Variants in IL16 observed in about 807,000 individuals in gnomAD.
The protein encoded by IL16 is interleukin 16.
Under a neutral mutation model 110.1 loss-of-function variants are expected in IL16, and 67 were observed. The ratio of observed to expected loss-of-function variants is 0.61; its 90% CI spans 0.50 to 0.75. The LOEUF is 0.75. IL16 is among the 30% of genes least tolerant of loss of function. The pLI is 0.00. For missense variants in IL16, 1,545 were observed against 1,655.0 expected (o/e 0.93, Z 1.15); for synonymous variants, 689 against 662.9 (o/e 1.04, Z -0.61).
chr15:81,247,879 G>A (rs947308313), intron 2 of IL16, among the ~76,000 whole-genome samples: 1 of 152,126 alleles, frequency 6.6e-6, no homozygotes, highest in Non-Finnish European at 1.5e-5. Flanking sequence ...CATGGAGTGG[G>A]TCATTCCAGT....
At chr15:81,306,967 G>A (rs1900600972) in intron 18 of IL16, 1 of 308,164 alleles carries the variant, frequency 3.2e-6, no homozygotes, top group South Asian at 2.8e-5. Context: ...TTTAAATCAA[G>A]ACAGAGTCTG....
intron 3 of IL16, among the ~76,000 whole-genome samples, chr15:81,263,346 A>ATTTTTTTTGTTTTTTT (rs1567024238): frequency 9.1e-6 from 1 of 109,792 alleles, no homozygotes. Flanking sequence ...TTCAAAAACT[A>ATTTTTTTTGTTTTTTT]TTTTTTTTTG....
intron 2 of IL16, among the ~76,000 whole-genome samples, chr15:81,232,077 T>TG (rs1897024901): frequency 7.4e-6 from 1 of 135,658 alleles, no homozygotes; most frequent in African/African-American, 2.9e-5. Flanking sequence ...CTTTTTTTTT[T>TG]CACATTTGTT....
At chr15:81,280,214 C>G (rs1899111235) in intron 8 of IL16, among the ~76,000 whole-genome samples, 1 of 152,190 alleles carries the variant, frequency 6.6e-6, no homozygotes, top group Non-Finnish European at 1.5e-5. Context: ...TTTGCCACCC[C>G]CCCAGGTGGG....
intron 2 of IL16, among the ~76,000 whole-genome samples, chr15:81,241,649 T>C (rs1429319596): frequency 6.6e-6 from 1 of 152,124 alleles, no homozygotes. Context: ...TATTTTGCAA[T>C]TATGGTAGAT....
chr15:81,224,200 AG>A (rs1896712307), intron 1 of IL16, among the ~76,000 whole-genome samples: 1 of 152,242 alleles, frequency 6.6e-6, no homozygotes. Context: ...GATATGTGAA[AG>A]GGTTTTGATG....
chr15:81,195,707 T>G (rs1895580059), upstream of IL16, among the ~76,000 whole-genome samples: 1 of 152,186 alleles, frequency 6.6e-6, no homozygotes, highest in Non-Finnish European at 1.5e-5. Flanking sequence ...AAACATTTGG[T>G]GCTGAGCGTT....
chr15:81,280,028 A>C (rs1025655756), intron 8 of IL16, among the ~76,000 whole-genome samples: 2 of 152,332 alleles, frequency 1.3e-5, no homozygotes, highest in African/African-American at 4.8e-5. Flanking sequence ...TCAAACACAA[A>C]AATACCCAGA....
intron 2 of IL16, among the ~76,000 whole-genome samples, chr15:81,258,641 A>G (rs1898032400): frequency 6.6e-6 from 1 of 151,876 alleles, no homozygotes; most frequent in Non-Finnish European, 1.5e-5. Context: ...TCAAGGCTGC[A>G]GTGAGCCGAG....
chr15:81,205,689 C>G (rs1325671124), intron 1 of IL16, among the ~76,000 whole-genome samples: 2 of 152,024 alleles, frequency 1.3e-5, no homozygotes, highest in African/African-American at 2.4e-5. Flanking sequence ...AAGAGACTCT[C>G]AGATTCAGTT....
intron 1 of IL16, among the ~76,000 whole-genome samples, chr15:81,191,067 C>G (rs1338291304): frequency 6.6e-6 from 1 of 152,208 alleles, no homozygotes; most frequent in African/African-American, 2.4e-5. Context: ...GTTGCCTCAG[C>G]CTCCACACTG....
intron 1 of IL16, among the ~76,000 whole-genome samples, chr15:81,198,791 G>A (rs1302755434): frequency 1.3e-5 from 2 of 151,378 alleles, no homozygotes; most frequent in Non-Finnish European, 2.9e-5. Flanking sequence ...AGGCCGAGGC[G>A]GGCGGATCAC....
chr15:81,232,238 TG>T (rs1897032502), intron 2 of IL16, among the ~76,000 whole-genome samples: 4 of 152,070 alleles, frequency 2.6e-5, no homozygotes, highest in Admixed American at 2.0e-4. Flanking sequence ...TGGAGATTTT[TG>T]TTGTTGTTGT....
chr15:81,288,142 G>A (rs867831860), intron 10 of IL16, among the ~76,000 whole-genome samples: 42 of 152,330 alleles, frequency 2.8e-4, no homozygotes, highest in African/African-American at 1.0e-3. Flanking sequence ...GACAGGTAAG[G>A]TTTAGAGCAG....
At position 81,203,871 on chromosome 15, in the gene IL16, G is replaced by A. The variant is rs34146925; in HGVS notation, c.-102+6719G>A. 3.4e-3 allele frequency among the ~76,000 whole-genome samples: 515 copies of A among 152,180 alleles called. 5 individuals are homozygous for A. The highest frequency in any genetic ancestry group is 0.012 in the African/African-American group (480 of 41,496). ...CAATTCTGTGAAGAAAGTCATTGGTGGCTTGATGGGGATGACATTGAATCT... is the reference window on the plus strand; with the variant it reads ...CAATTCTGTGAAGAAAGTCATTGGTAGCTTGATGGGGATGACATTGAATCT... On this transcript the variant is annotated intron_variant, in intron 1 of 18. Transcript: ENST00000683961.
chr15:81,271,041 T>G (rs973289402), intron 5 of IL16, among the ~76,000 whole-genome samples: 1 of 151,952 alleles, frequency 6.6e-6, no homozygotes, highest in Non-Finnish European at 1.5e-5. Context: ...AATCACACAA[T>G]AAAACCAGCC....
At chr15:81,273,456 G>T (rs1040785808) in intron 6 of IL16, among the ~76,000 whole-genome samples, 1 of 152,130 alleles carries the variant, frequency 6.6e-6, no homozygotes, top group South Asian at 2.1e-4. Context: ...TGGTCTTGGG[G>T]CCAGCCTGGG....
At chr15:81,307,097 C>A (rs973371638) in intron 18 of IL16, among the ~76,000 whole-genome samples, 2 of 152,118 alleles carry the variant, frequency 1.3e-5, no homozygotes, top group Non-Finnish European at 2.9e-5. Flanking sequence ...ACAAACCAGT[C>A]TGATATGGGG....
upstream of IL16, among the ~76,000 whole-genome samples, chr15:81,195,139 A>G (rs1895564182): frequency 1.3e-5 from 2 of 152,156 alleles, no homozygotes; most frequent in South Asian, 2.1e-4. Context: ...GAATAAATTT[A>G]CCTTCTGAGA....
Sources: allele counts gnomAD v4.1 joint callset (sites outside exome capture counted in the v4.1 genomes callset), GRCh38; gene constraint gnomAD v4.1.1; transcripts MANE v1.5; gene names NCBI Gene and HGNC (gene_info 2026-07-23, HGNC 2026-07-21).